BRWD3: variants seen among roughly 807,000 people sequenced by gnomAD.
BRWD3 encodes the protein bromodomain and WD repeat domain containing 3.
A neutral mutation model predicts 149.7 loss-of-function variants in BRWD3; 10 were observed. That is an observed-to-expected ratio of 0.07 (90% CI 0.04 to 0.11). The LOEUF is 0.11. Ranked by LOEUF, BRWD3 falls within the 10% of genes least tolerant of loss-of-function variation. BRWD3 has a pLI of 1.00. For synonymous variants in BRWD3, 504 were observed against 456.7 expected (o/e 1.10, Z -1.32); for missense variants, 940 against 1,373.2 (o/e 0.68, Z 4.99).
chrX:80,682,235 T>C (rs1036174008), intron 38 of BRWD3, 141 bp from the exon 39 acceptor site: 14 of 610,617 alleles, frequency 2.3e-5, no homozygotes, highest in Non-Finnish European at 3.6e-5. Flanking sequence ...ATGAAATAGA[T>C]AATTTGACAG....
intron 25 of BRWD3, 63 bp downstream of exon 25, chrX:80,699,894 T>C (rs2072757118): frequency 2.3e-6 from 2 of 852,274 alleles, no homozygotes; most frequent in Admixed American, 2.5e-5. Context: ...GAAAAAACCA[T>C]GGGTAAGCAA....
At chrX:80,782,873 G>A (rs1042114900) in intron 6 of BRWD3, among the ~76,000 whole-genome samples, 5 of 109,869 alleles carry the variant, frequency 4.6e-5, no homozygotes, top group African/African-American at 1.0e-4. Flanking sequence ...CTCCAGCCTC[G>A]ATGACAGAAT....
intron 6 of BRWD3, among the ~76,000 whole-genome samples, chrX:80,772,316 C>T (rs1333955667): frequency 9.0e-6 from 1 of 111,278 alleles, no homozygotes; most frequent in South Asian, 3.8e-4. Flanking sequence ...ATGTCTTTTG[C>T]AGGGACATGG....
intron 6 of BRWD3, among the ~76,000 whole-genome samples, chrX:80,753,578 C>T (rs2073699577): frequency 1.8e-5 from 2 of 111,476 alleles, no homozygotes; most frequent in Non-Finnish European, 3.8e-5. Flanking sequence ...GCCTTGAGGT[C>T]TTACTCATAA....
In BRWD3 at chrX:80,809,238, C is replaced by T. The variant is rs773635146; in HGVS notation, c.90+8G>A. On this transcript the variant is annotated splice_region_variant and intron_variant, in intron 2 of 40. Coordinates refer to ENST00000373275, the MANE Select transcript of BRWD3 (RefSeq NM_153252.5). The stretch of plus-strand genomic sequence containing the variant: ...ACCACGACTCCCAGATCTCTTTCTT[C>T]CCCTTACCTGAGCGGATTTGTTGCA... The T allele has an allele frequency of 8.3e-7, 1 of 1,198,000 alleles. No individual in the cohort carries two copies. The highest frequency in any genetic ancestry group is 1.7e-5 in the African/African-American group (1 of 57,645).
At chrX:80,804,046 TAACA>T (rs974597969) in intron 4 of BRWD3, among the ~76,000 whole-genome samples, 6 of 112,313 alleles carry the variant, frequency 5.3e-5, no homozygotes, top group Non-Finnish European at 9.4e-5. Context: ...TTAAGGACAA[TAACA>T]AACAATCTTT....
intron 4 of BRWD3, among the ~76,000 whole-genome samples, chrX:80,798,489 TCAAA>T (rs2074260868): frequency 9.0e-6 from 1 of 111,477 alleles, no homozygotes; most frequent in Middle Eastern, 4.2e-3. Context: ...TGTTTAAAGC[TCAAA>T]CATTCTAATT....
At chrX:80,698,875 A>G (rs1455273035) in intron 25 of BRWD3, among the ~76,000 whole-genome samples, 1 of 111,149 alleles carries the variant, frequency 9.0e-6, no homozygotes, top group Non-Finnish European at 1.9e-5. Context: ...TGACATTAAT[A>G]AAAAGTTTTA....
At chrX:80,681,855 C>G in intron 39 of BRWD3, 142 bp downstream of exon 39, 1 of 547,979 alleles carries the variant, frequency 1.8e-6, no homozygotes, top group Middle Eastern at 3.4e-4. Context: ...ACAAAACTAG[C>G]AAGTAGAATT....
chrX:80,789,185 A>G (rs1032041992), intron 6 of BRWD3, among the ~76,000 whole-genome samples: 8 of 111,959 alleles, frequency 7.1e-5, no homozygotes, highest in Non-Finnish European at 1.3e-4. Context: ...AATATGACAG[A>G]TAGTCTATTT....
intron 26 of BRWD3, 43 bp downstream of exon 26, chrX:80,696,696 A>C (rs1382400279): frequency 8.4e-7 from 1 of 1,194,044 alleles, no homozygotes; most frequent in East Asian, 3.0e-5. Flanking sequence ...AATAGGTATT[A>C]AAATACACAC....
rs765268982 is a variant in BRWD3 at position 80,709,591 on chromosome X, G to T, written c.2326-14C>A. ...CTCATAATCATTCTGTAAAAGAGAAGAATAATAAATTTTAAAAAAGGAAAA... is the reference window on the plus strand; with the variant it reads ...CTCATAATCATTCTGTAAAAGAGAATAATAATAAATTTTAAAAAAGGAAAA... On this transcript the variant is annotated splice_polypyrimidine_tract_variant and intron_variant, in intron 20 of 40. Coordinates refer to ENST00000373275, the MANE Select transcript of BRWD3 (RefSeq NM_153252.5). 36 of 1,195,174 alleles carry T rather than the reference G, an allele frequency of 3.0e-5. No homozygotes were observed. The highest frequency in any genetic ancestry group is 1.2e-4 in the African/African-American group (7 of 56,024).
At chrX:80,710,745 TA>T in intron 20 of BRWD3, 1 of 518,837 alleles carries the variant, frequency 1.9e-6, no homozygotes. Context: ...ATCAAATATG[TA>T]ATAATGCTGG....
Position 80,690,012 on chromosome X carries a change from A to C in BRWD3, c.3683T>G (p.Val1228Gly). 8.3e-7 allele frequency: 1 copy of C among 1,208,348 alleles called. No individual in the cohort carries two copies. The highest frequency in any genetic ancestry group is 1.1e-6 in the Non-Finnish European group (1 of 892,845). ...ATCAGTTACAATTTTAGCTGCTTTA[A>C]CTATAGGACTGTCTGGCTCATTGAA... ...RTFNEPDSPI[V>G]KAAKIVTDVL... Residue 1228 changes from valine to glycine, a missense_variant, in exon 32 of 41, where the codon GTT (valine) becomes GGT (glycine). By Grantham distance (109) the Val-to-Gly change is moderately radical. Transcript: ENST00000373275.
chrX:80,797,802 A>C (rs1462485090), intron 4 of BRWD3, among the ~76,000 whole-genome samples: 1 of 111,670 alleles, frequency 9.0e-6, no homozygotes, highest in Non-Finnish European at 1.9e-5. Context: ...ATCAATAAAA[A>C]TTTGATTATA....
Position 80,753,294 on chromosome X carries a change from G to A in BRWD3, c.431-7565C>T, listed in dbSNP as rs754629021. Among the ~76,000 whole-genome samples the A allele has an allele frequency of 4.0e-5, 4 of 101,223 alleles. 1 individual carries two copies. The highest frequency in any genetic ancestry group is 8.0e-5 in the Non-Finnish European group (4 of 49,965). 87.9% of individuals were successfully genotyped at this position (101,223 alleles called of 115,157 possible). A position where few individuals can be genotyped will look rare whatever the true frequency, so the allele number is the denominator to read the frequency against. On this transcript the variant is annotated intron_variant, in intron 6 of 40. Coordinates refer to ENST00000373275, the MANE Select transcript of BRWD3 (RefSeq NM_153252.5). Reference sequence around the variant, plus strand: ...TCAGTTTTTTTTTTTTTTTTTAGATGGAGTTTCACTCGTCACCCAGGCTGG... The same window carrying A: ...TCAGTTTTTTTTTTTTTTTTTAGATAGAGTTTCACTCGTCACCCAGGCTGG...
intron 19 of BRWD3, 137 bp from the exon 20 acceptor site, chrX:80,716,387 A>G: frequency 2.0e-6 from 1 of 503,372 alleles, no homozygotes. Flanking sequence ...AGTGGCATCA[A>G]TTACATTCAG....
At chrX:80,788,008 C>T (rs1448930529) in intron 6 of BRWD3, among the ~76,000 whole-genome samples, 2 of 109,757 alleles carry the variant, frequency 1.8e-5, no homozygotes, top group Admixed American at 2.0e-4. Flanking sequence ...GGCGTGAACA[C>T]AGGAGGCGGA....
At position 80,735,147 on chromosome X, in the gene BRWD3, G is replaced by T; in HGVS notation, c.965C>A (p.Ser322Tyr). 1 of 1,205,282 alleles carries T rather than the reference G, an allele frequency of 8.3e-7. No individual in the cohort carries two copies. ...CATACCAGAACTGAAAGATGAACAA[G>T]ATATCTGGACTCCAGGTCTGGATCT... The part of the protein sequence containing the change: ...TERSRPGVQI[S>Y]CSSFSSGGMF... Residue 322 changes from serine to tyrosine, a missense_variant, in exon 10 of 41, where the codon TCT becomes TAT. This residue lies in a region of BRWD3 where 209 missense variants were observed against 396.8 expected (regional missense o/e 0.53). Transcript: ENST00000373275.
Sources: allele counts gnomAD v4.1 joint callset (sites outside exome capture counted in the v4.1 genomes callset), GRCh38; gene constraint gnomAD v4.1.1; regional missense constraint gnomAD v4.1.1; transcripts MANE v1.5; gene names NCBI Gene and HGNC (gene_info 2026-07-23, HGNC 2026-07-21).